Variants in TRIOBP observed in about 807,000 individuals in gnomAD.
TRIOBP encodes the protein TRIO and F-actin-binding protein.
In TRIOBP, 169 loss-of-function variants were observed where a neutral mutation model predicts 238.8. The ratio of observed to expected loss-of-function variants is 0.71; its 90% CI spans 0.62 to 0.80. TRIOBP has a LOEUF of 0.80. Ranked by LOEUF, TRIOBP falls within the 30% of genes least tolerant of loss-of-function variation. The probability of loss-of-function intolerance (pLI) is 0.00; values close to 1 mark genes in which losing one functional copy is unlikely to be tolerated. For missense variants in TRIOBP, 2,838 were observed against 3,122.6 expected (o/e 0.91, Z 2.17); for synonymous variants, 1,150 against 1,274.4 (o/e 0.90, Z 2.08).
chr22:37,716,758 G>C (rs1359479058), intron 6 of TRIOBP, among the ~76,000 whole-genome samples: 4 of 152,370 alleles, frequency 2.6e-5, no homozygotes, highest in Middle Eastern at 3.4e-3. Flanking sequence ...GAGGAGGAAA[G>C]TCATGTAATT....
intron 12 of TRIOBP, among the ~76,000 whole-genome samples, chr22:37,752,414 C>T (rs1010697569): frequency 1.3e-5 from 2 of 152,218 alleles, no homozygotes; most frequent in African/African-American, 4.8e-5. Context: ...CTTCCTCTGG[C>T]ATATGTGTCC....
At position 37,727,040 on chromosome 22, in the gene TRIOBP, G is replaced by A. The variant is rs981176945; in HGVS notation, c.3947+537G>A. ...TCCTGCCTCAGCCTCCCGAGTAGCT[G>A]GGATTACAGGCACGTGCCACCACAC... On this transcript the variant is annotated intron_variant, in intron 7 of 23. Coordinates refer to ENST00000644935, the MANE Select transcript of TRIOBP (RefSeq NM_001039141.3). Among the ~76,000 whole-genome samples, 13 of 151,820 alleles carry A rather than the reference G, an allele frequency of 8.6e-5. No homozygotes were observed. In the East Asian group the frequency reaches 2.5e-3, roughly 30 times the overall value.
chr22:37,754,318 G>A (rs1018812064), intron 12 of TRIOBP, among the ~76,000 whole-genome samples: 1 of 151,776 alleles, frequency 6.6e-6, no homozygotes, highest in East Asian at 1.9e-4. Flanking sequence ...GGCTAAGACA[G>A]GAGAATCACT....
chr22:37,771,793 A>C, intron 22 of TRIOBP, 57 bp downstream of exon 22: 1 of 1,510,162 alleles, frequency 6.6e-7, no homozygotes, highest in Non-Finnish European at 9.2e-7. Context: ...TCTGGATGCC[A>C]TCCTGTGAGC....
At chr22:37,721,233 G>A (rs762033743) in intron 6 of TRIOBP, among the ~76,000 whole-genome samples, 4 of 151,830 alleles carry the variant, frequency 2.6e-5, no homozygotes, top group Non-Finnish European at 5.9e-5. Context: ...GGCTGGTCTC[G>A]AACTCCTGAC....
At position 37,759,210 on chromosome 22, in the gene TRIOBP, G is replaced by A. The variant is rs117821814; in HGVS notation, c.6270G>A (p.Gln2090=). ...EAWRLQGEAP[Q]SALRSQEDGH... is the part of the protein sequence containing the mutation. ...GGCGTCTCCAAGGGGAGGCTCCTCA[G>A]AGTGCACTGAGATCCCAGGAGGATG... is the stretch of plus-strand genomic sequence containing the variant. The change falls in exon 17 of 24, where the codon CAG becomes CAA. Residue 2090 remains glutamine (Q), a synonymous_variant. Coordinates refer to ENST00000644935, the MANE Select transcript of TRIOBP (RefSeq NM_001039141.3). The A allele has an allele frequency of 6.2e-7, 1 of 1,613,072 alleles. No homozygotes were observed. Among genetic ancestry groups the A allele is most frequent in the East Asian group, 2.2e-5 (1 of 44,874 alleles).
In TRIOBP at chr22:37,725,033, C is replaced by T. The variant is rs41296243; in HGVS notation, c.2477C>T (p.Ser826Leu). 0.023 allele frequency: 36,391 copies of T among 1,614,160 alleles called. 468 individuals are homozygous for T. Among genetic ancestry groups the T allele is most frequent in the Middle Eastern group, 0.036 (217 of 6,062 alleles). The change falls in exon 7 of 24, where the codon TCA becomes TTA. Residue 826 changes from serine to leucine, a missense_variant. Physicochemically the swap from Ser to Leu is moderately radical, Grantham distance 145 (BLOSUM62 -2). Coordinates refer to ENST00000644935, the MANE Select transcript of TRIOBP (RefSeq NM_001039141.3). ...RTCIQQNIPR[S>L]SSTQQDNPKT... ...TGTATTCAACAGAACATCCCCAGAT[C>T]ATCTTCTACCCAACAAGACAACCCT...
Position 37,733,888 on chromosome 22 carries a change from C to T in TRIOBP, c.4062+476C>T, listed in dbSNP as rs111345507. Among the ~76,000 whole-genome samples the T allele has an allele frequency of 6.8e-3, 1,031 of 152,270 alleles. 12 individuals are homozygous for T. Among genetic ancestry groups the T allele is most frequent in the African/African-American group, 0.023 (963 of 41,550 alleles). On this transcript the variant is annotated intron_variant, in intron 8 of 23. Transcript: ENST00000644935. ...GTTTCACCATGTTGGCCAGGCTGGTCACTCCTGACGTCAAGTGATCCGCCC... is the reference window on the plus strand; with the variant it reads ...GTTTCACCATGTTGGCCAGGCTGGTTACTCCTGACGTCAAGTGATCCGCCC...
rs570779789 is a variant in TRIOBP at position 37,764,986 on chromosome 22, C to T, written c.6325-684C>T. Among the ~76,000 whole-genome samples the T allele has an allele frequency of 2.0e-5, 3 of 152,022 alleles. No individual in the cohort carries two copies. The South Asian group carries it at 6.3e-4, about 32-fold the overall frequency. ...AAATTACCCAGGGAGGTAAAGTTGC[C>T]AAAAAAACATTCCAGGCCGGGCACA... On this transcript the variant is annotated intron_variant, in intron 17 of 23. Transcript: ENST00000644935.
At chr22:37,743,373 G>A (rs1429230871) in intron 11 of TRIOBP, among the ~76,000 whole-genome samples, 1 of 152,190 alleles carries the variant, frequency 6.6e-6, no homozygotes, top group Non-Finnish European at 1.5e-5. Flanking sequence ...GTTTGAGACT[G>A]GATAACCTCG....
At position 37,757,961 on chromosome 22, in the gene TRIOBP, C is replaced by A. The variant is rs1471938233; in HGVS notation, c.6036C>A (p.Ala2012=). Residue 2012 remains alanine, a synonymous_variant, in exon 16 of 24, where the codon GCC becomes GCA. Coordinates refer to ENST00000644935, the MANE Select transcript of TRIOBP (RefSeq NM_001039141.3). ...AGGGGCCGCGCCGGGGCCTGGGTGCCCCCCTGACTGAGGACCAGCAAAACC... is the reference window on the plus strand; with the variant it reads ...AGGGGCCGCGCCGGGGCCTGGGTGCACCCCTGACTGAGGACCAGCAAAACC... ...AGEGPRRGLG[A]PLTEDQQNRL... The A allele has an allele frequency of 6.4e-7, 1 of 1,570,840 alleles. No homozygotes were observed. The highest frequency in any genetic ancestry group is 8.6e-7 in the Non-Finnish European group (1 of 1,158,868).
chr22:37,774,451 C>T lies in TRIOBP; in HGVS notation c.*671C>T, dbSNP rs1290614709. The T allele has an allele frequency of 6.6e-6, 1 of 152,274 alleles. No individual in the cohort carries two copies. The highest frequency in any genetic ancestry group is 1.5e-5 in the Non-Finnish European group (1 of 68,068). The allele number at this position is 152,274 out of a possible 1,614,324, so 9.4% of individuals were successfully genotyped here. A position where few individuals can be genotyped will look rare whatever the true frequency, so the allele number is the denominator to read the frequency against. On this transcript the variant is annotated 3_prime_UTR_variant, in exon 24 of 24. Coordinates refer to ENST00000644935, the MANE Select transcript of TRIOBP (RefSeq NM_001039141.3). Reference sequence around the variant, plus strand: ...TGGGTGCAGAACCGCCAGAGCCACCCAAAAGGTGTTTCTCTTCTGCTCCCT... The same window carrying T: ...TGGGTGCAGAACCGCCAGAGCCACCTAAAAGGTGTTTCTCTTCTGCTCCCT...
At chr22:37,704,904 CAAA>C (rs55816795) in intron 3 of TRIOBP, among the ~76,000 whole-genome samples, 30 of 131,292 alleles carry the variant, frequency 2.3e-4, no homozygotes, top group South Asian at 7.4e-4. Context: ...CCATTTCTAC[CAAA>C]AAAAAAAAAA....
chr22:37,759,825 A>G (rs759570667), intron 17 of TRIOBP: 7 of 1,234,676 alleles, frequency 5.7e-6, no homozygotes, highest in Non-Finnish European at 7.3e-6. Flanking sequence ...TGGTTGTCAC[A>G]ACTAGGACAA....
chr22:37,756,160 G>T (rs551332909), intron 15 of TRIOBP, among the ~76,000 whole-genome samples: 1 of 152,310 alleles, frequency 6.6e-6, no homozygotes, highest in African/African-American at 2.4e-5. Context: ...GGAACAGAGT[G>T]TGGTATTAAA....
In TRIOBP at chr22:37,775,385, G is replaced by A. The variant is rs1601675273; in HGVS notation, c.*1605G>A. 6.6e-6 allele frequency: 1 copy of A among 152,246 alleles called. No homozygotes were observed. The highest frequency in any genetic ancestry group is 2.4e-5 in the African/African-American group (1 of 41,452). The allele number at this position is 152,246 out of a possible 1,614,324, so 9.4% of individuals were successfully genotyped here. A position where few individuals can be genotyped will look rare whatever the true frequency, so the allele number is the denominator to read the frequency against. ...CCCATTCCCTTGCCAGGGATTGGTT[G>A]AGGAATGGACAAGGCTTGCAGTTCA... On this transcript the variant is annotated 3_prime_UTR_variant, in exon 24 of 24. Transcript: ENST00000644935.
At chr22:37,765,854 T>C (rs1156672909) in intron 18 of TRIOBP, 37 bp downstream of exon 18, 2 of 1,569,286 alleles carry the variant, frequency 1.3e-6, no homozygotes, top group Middle Eastern at 1.9e-4. Flanking sequence ...GGCTGGGCTC[T>C]GAGCCTCTGT....
Position 37,769,364 on chromosome 22 carries a change from T to G in TRIOBP, c.6838T>G (p.Cys2280Gly). ...CGGGCGCAGCAACGAGCGGAGTTCC[T>G]GCGAGCTAGAGGTGAGTGTCCTCAC... Reference protein sequence around the residue: ...GCGRSNERSSCELEVLLRVKE... With the variant: ...GCGRSNERSSGELEVLLRVKE... The change falls in exon 21 of 24, where the codon TGC (cysteine) becomes GGC (glycine). Residue 2280 changes from cysteine (C) to glycine (G), a missense_variant. Coordinates refer to ENST00000644935, the MANE Select transcript of TRIOBP (RefSeq NM_001039141.3). 1.2e-6 allele frequency: 2 copies of G among 1,605,706 alleles called. No homozygotes were observed. Among genetic ancestry groups the G allele is most frequent in the Non-Finnish European group, 1.7e-6 (2 of 1,177,584 alleles).
chr22:37,765,449 C>T (rs1333916778), intron 17 of TRIOBP, among the ~76,000 whole-genome samples: 1 of 148,522 alleles, frequency 6.7e-6, no homozygotes, highest in East Asian at 2.0e-4. Context: ...CTCTGTAGGA[C>T]GAGGAATCCC....
Sources: gnomAD v4.1 joint callset for allele counts (sites outside exome capture counted in the v4.1 genomes callset) on GRCh38, gnomAD v4.1.1 for gene constraint, MANE v1.5 for transcripts, NCBI Gene and HGNC (gene_info 2026-07-23, HGNC 2026-07-21) for gene names.